Variants in ANKRD11 observed in about 807,000 individuals in gnomAD.
ANKRD11 encodes the protein ankyrin repeat domain-containing protein 11.
Under a neutral mutation model 195.7 loss-of-function variants are expected in ANKRD11, and 17 were observed. The ratio of observed to expected loss-of-function variants is 0.09; its 90% CI spans 0.06 to 0.13. ANKRD11 has a LOEUF of 0.13. ANKRD11 is among the 10% of genes least tolerant of loss of function. The pLI, the probability that ANKRD11 is intolerant of heterozygous loss-of-function variation, is 1.00. For synonymous variants in ANKRD11, 1,953 were observed against 1,528.1 expected (o/e 1.28, Z -6.49); for missense variants, 3,735 against 3,566.1 (o/e 1.05, Z -1.21).
At chr16:89,339,060 G>A (rs897792984) in intron 2 of ANKRD11, among the ~76,000 whole-genome samples, 1 of 152,154 alleles carries the variant, frequency 6.6e-6, no homozygotes, top group African/African-American at 2.4e-5. Flanking sequence ...CTCTAAACCA[G>A]GAGGACAGAC....
rs140028292 is a variant in ANKRD11 at position 89,326,312 on chromosome 16, T to A, written c.-59-9234A>T. ...AGGGAAGAGGAAGGTTAGAAAGGTC[T>A]GGGGTGTCACGCACCGTTGCTGGGA... On this transcript the variant is annotated intron_variant, in intron 2 of 12. Transcript: ENST00000301030. 4.4e-3 allele frequency among the ~76,000 whole-genome samples: 667 copies of A among 152,214 alleles called. 6 individuals carry two copies. The highest frequency in any genetic ancestry group is 0.016 in the African/African-American group (647 of 41,520).
At chr16:89,467,087 A>G (rs1224057875) in intron 1 of ANKRD11, among the ~76,000 whole-genome samples, 2 of 152,198 alleles carry the variant, frequency 1.3e-5, no homozygotes, top group African/African-American at 4.8e-5. Context: ...GAGAAGGCGC[A>G]GGGAGAAAAA....
Position 89,286,124 on chromosome 16 carries a change from C to T in ANKRD11, c.807G>A (p.Thr269=), listed in dbSNP as rs149525788. 2.2e-5 allele frequency: 35 copies of T among 1,614,084 alleles called. No individual in the cohort carries two copies. The South Asian group carries it at 3.2e-4, about 15-fold the overall frequency. The stretch of plus-strand genomic sequence containing the variant: ...TGGGGGAGTTGGCCACTTTCAGCGG[C>T]GTCTCGCCTTTCCTGTTGCTCTGCT... ...NPQQSNRKGE[T]PLKVANSPTM... The change falls in exon 8 of 13, where the codon ACG becomes ACA. Residue 269 remains threonine (T), a synonymous_variant. Transcript: ENST00000301030.
intron 1 of ANKRD11, among the ~76,000 whole-genome samples, chr16:89,436,316 G>C (rs1226315275): frequency 2.0e-5 from 3 of 151,974 alleles, no homozygotes; most frequent in African/African-American, 7.3e-5. Context: ...GTGGGAGGCT[G>C]AGGCACGAGA....
Position 89,281,142 on chromosome 16 carries a change from C to T in ANKRD11, c.5400G>A (p.Glu1800=). The T allele has an allele frequency of 6.2e-7, 1 of 1,613,760 alleles. No homozygotes were observed. Among genetic ancestry groups the T allele is most frequent in the Non-Finnish European group, 8.5e-7 (1 of 1,179,678 alleles). The change falls in exon 9 of 13, where the codon GAG becomes GAA. Residue 1800 remains glutamate (E), a synonymous_variant. Coordinates refer to ENST00000301030, the MANE Select transcript of ANKRD11 (RefSeq NM_013275.6). This position sits in a 1 kb window ranked among gnomAD's most constrained non-coding sequence, Gnocchi z 5.5. ...SVSVDIRRTP[E]EEFSVGDKLF... Reference sequence around the variant, plus strand: ...GCTTGTCTCCGACGCTGAATTCTTCCTCGGGGGTCCTCCTAATGTCGACAG... The same window carrying T: ...GCTTGTCTCCGACGCTGAATTCTTCTTCGGGGGTCCTCCTAATGTCGACAG...
At chr16:89,380,930 C>T (rs887502877) in intron 2 of ANKRD11, among the ~76,000 whole-genome samples, 3 of 152,166 alleles carry the variant, frequency 2.0e-5, no homozygotes, top group Admixed American at 6.5e-5. Context: ...ACGGAGCACG[C>T]ATCCCTGCTT....
chr16:89,479,799 C>A (rs1250230820), intron 1 of ANKRD11, among the ~76,000 whole-genome samples: 2 of 151,242 alleles, frequency 1.3e-5, no homozygotes, highest in African/African-American at 4.9e-5. Context: ...AAAAATTAGC[C>A]GGGGGTGGTG....
At chr16:89,269,079 A>G (rs2032896891) in intron 12 of ANKRD11, among the ~76,000 whole-genome samples, 1 of 152,232 alleles carries the variant, frequency 6.6e-6, no homozygotes, top group Non-Finnish European at 1.5e-5. Flanking sequence ...AAGTGCACAT[A>G]AGGGGACTGG....
intron 2 of ANKRD11, among the ~76,000 whole-genome samples, chr16:89,369,918 A>G (rs1331496604): frequency 6.6e-6 from 1 of 152,186 alleles, no homozygotes; most frequent in Admixed American, 6.5e-5. Flanking sequence ...CTCAGAAGAA[A>G]ACAAACAAAA....
chr16:89,350,569 T>C (rs972190448), intron 2 of ANKRD11, among the ~76,000 whole-genome samples: 2 of 152,162 alleles, frequency 1.3e-5, no homozygotes, highest in Admixed American at 6.5e-5. Flanking sequence ...AATGATTCCA[T>C]TCATATTAAA....
intron 3 of ANKRD11, among the ~76,000 whole-genome samples, chr16:89,316,423 C>G (rs1597604456): frequency 1.3e-5 from 2 of 152,232 alleles, no homozygotes; most frequent in South Asian, 4.2e-4. Flanking sequence ...AAGTCTGCAC[C>G]CCAGGAAACT....
At position 89,282,960 on chromosome 16, in the gene ANKRD11, C is replaced by T. The variant is rs1406734396; in HGVS notation, c.3582G>A (p.Gly1194=). The part of the protein sequence containing the change: ...RRKDRGAADA[G]RDKKEKVFEK... The stretch of plus-strand genomic sequence containing the variant: ...CAAAGACTTTCTCTTTTTTGTCTCT[C>T]CCCGCGTCGGCAGCCCCTCGGTCCT... Residue 1194 remains glycine, a synonymous_variant, in exon 9 of 13, where the codon GGG becomes GGA. Coordinates refer to ENST00000301030, the MANE Select transcript of ANKRD11 (RefSeq NM_013275.6). 6.2e-7 allele frequency: 1 copy of T among 1,613,192 alleles called. No individual in the cohort carries two copies. Among genetic ancestry groups the T allele is most frequent in the South Asian group, 1.1e-5 (1 of 91,052 alleles).
At chr16:89,374,406 C>T (rs1436474513) in intron 2 of ANKRD11, among the ~76,000 whole-genome samples, 1 of 152,072 alleles carries the variant, frequency 6.6e-6, no homozygotes, top group South Asian at 2.1e-4. Flanking sequence ...TTCTGTTCTA[C>T]ATGGGCAGAG....
chr16:89,268,317 C>T lies in ANKRD11; in HGVS notation c.*161G>A. ...GTGTTTCACCTCCCCGACGTCTGGACCAGTCTGGAAGGGATGGAGGCGCTG... is the reference window on the plus strand; with the variant it reads ...GTGTTTCACCTCCCCGACGTCTGGATCAGTCTGGAAGGGATGGAGGCGCTG... On this transcript the variant is annotated 3_prime_UTR_variant, in exon 13 of 13. Transcript: ENST00000301030. 2.3e-6 allele frequency: 1 copy of T among 428,382 alleles called. No homozygotes were observed. The highest frequency in any genetic ancestry group is 4.1e-6 in the Non-Finnish European group (1 of 246,074). The allele number at this position is 428,382 out of a possible 1,614,324, so 26.5% of individuals were successfully genotyped here.
intron 1 of ANKRD11, among the ~76,000 whole-genome samples, chr16:89,451,699 G>GAGCC (rs2044082818): frequency 6.6e-6 from 1 of 152,036 alleles, no homozygotes; most frequent in Non-Finnish European, 1.5e-5. Context: ...TTACAGGCTA[G>GAGCC]AGCCACCGCA....
At chr16:89,480,033 C>T (rs1484616588) in intron 1 of ANKRD11, among the ~76,000 whole-genome samples, 3 of 151,242 alleles carry the variant, frequency 2.0e-5, no homozygotes, top group African/African-American at 7.3e-5. Flanking sequence ...AATGCTTGAA[C>T]CCGAGAGGCA....
rs374936651 is a variant in ANKRD11 at position 89,456,252 on chromosome 16, G to A, written c.-145+33993C>T. Among the ~76,000 whole-genome samples, 32 of 151,258 alleles carry A rather than the reference G, an allele frequency of 2.1e-4. No individual in the cohort carries two copies. The East Asian group carries it at 5.5e-3, about 26-fold the overall frequency. ...AAGATTCGGTCCCAAAAAAAAAAGGGGGGGTGGAAACGGGGGCCAGGCAAG... is the reference window on the plus strand; with the variant it reads ...AAGATTCGGTCCCAAAAAAAAAAGGAGGGGTGGAAACGGGGGCCAGGCAAG... On this transcript the variant is annotated intron_variant, in intron 1 of 12. Coordinates refer to ENST00000301030, the MANE Select transcript of ANKRD11 (RefSeq NM_013275.6).
At chr16:89,287,161 G>A in intron 7 of ANKRD11, 1 of 1,249,192 alleles carries the variant, frequency 8.0e-7, no homozygotes, top group Non-Finnish European at 1.0e-6. Flanking sequence ...GAGGTCCCCA[G>A]TCCCAGCTGC....
At chr16:89,455,402 CAT>C (rs2056389268) in intron 1 of ANKRD11, among the ~76,000 whole-genome samples, 1 of 152,118 alleles carries the variant, frequency 6.6e-6, no homozygotes, top group Non-Finnish European at 1.5e-5. Flanking sequence ...GCAGAGCCCA[CAT>C]AGCTATATAA....
Sources: allele counts gnomAD v4.1 joint callset (sites outside exome capture counted in the v4.1 genomes callset), GRCh38; gene constraint gnomAD v4.1.1; non-coding constraint Gnocchi (gnomAD v3.1); transcripts MANE v1.5; gene names NCBI Gene and HGNC (gene_info 2026-07-23, HGNC 2026-07-21).